ATRNL1: variants seen among roughly 807,000 people sequenced by gnomAD.
The protein encoded by ATRNL1 is attractin-like protein 1.
A neutral mutation model predicts 182.7 loss-of-function variants in ATRNL1; 95 were observed. That is an observed-to-expected ratio of 0.52 (90% CI 0.44 to 0.62). ATRNL1 has a LOEUF of 0.62. ATRNL1 is among the 20% of genes least tolerant of loss of function. The probability of loss-of-function intolerance (pLI) is 0.00; values close to 1 mark genes in which losing one functional copy is unlikely to be tolerated. For synonymous variants in ATRNL1, 576 were observed against 568.3 expected, an observed-to-expected ratio of 1.01 and a Z score of -0.19; for missense variants, 1,471 against 1,679.5, an observed-to-expected ratio of 0.88 and a Z score of 2.17.
Position 115,130,274 on chromosome 10 carries a change from T to C in ATRNL1, c.829+739T>C, listed in dbSNP as rs1036446832. 7.9e-5 allele frequency among the ~76,000 whole-genome samples: 12 copies of C among 152,260 alleles called. No homozygotes were observed. The East Asian group carries it at 1.5e-3, about 20-fold the overall frequency. On this transcript the variant is annotated intron_variant, in intron 5 of 28. Coordinates refer to ENST00000355044, the MANE Select transcript of ATRNL1 (RefSeq NM_207303.4). ...TGCCAACATATTAATCCTGTTGAAATAGGGAAATTTGACTCAATAATTACA... is the reference window on the plus strand; with the variant it reads ...TGCCAACATATTAATCCTGTTGAAACAGGGAAATTTGACTCAATAATTACA...
At chr10:115,125,113 G>T (rs1554872996) in intron 3 of ATRNL1, among the ~76,000 whole-genome samples, 1 of 152,142 alleles carries the variant, frequency 6.6e-6, no homozygotes, top group African/African-American at 2.4e-5. Context: ...TGAGTAACTT[G>T]ATTGTAGGAA....
At chr10:115,755,099 A>G (rs1025214497) in intron 27 of ATRNL1, among the ~76,000 whole-genome samples, 20 of 152,206 alleles carry the variant, frequency 1.3e-4, no homozygotes, top group Non-Finnish European at 2.5e-4. Context: ...TAAATATACA[A>G]TCATGTTATC....
In ATRNL1 at chr10:115,807,139, G is replaced by A. The variant is rs187139630; in HGVS notation, c.3904-40738G>A. Among the ~76,000 whole-genome samples, 5 of 146,930 alleles carry A rather than the reference G, an allele frequency of 3.4e-5. No homozygotes were observed. The East Asian group carries it at 8.0e-4, about 23-fold the overall frequency. On this transcript the variant is annotated intron_variant, in intron 27 of 28. Transcript: ENST00000355044. ...TTTTTTTTCTTTGAGATGGAGTCTC[G>A]CTCTGTTGCCCAGGCTGGAGTGCAG...
intron 26 of ATRNL1, among the ~76,000 whole-genome samples, chr10:115,697,660 A>G (rs1174331428): frequency 6.6e-6 from 1 of 151,996 alleles, no homozygotes; most frequent in African/African-American, 2.4e-5. Context: ...TCTGTGTGTT[A>G]CATATATAAT....
At chr10:115,749,541 T>C (rs1948389030) in intron 27 of ATRNL1, among the ~76,000 whole-genome samples, 1 of 151,912 alleles carries the variant, frequency 6.6e-6, no homozygotes, top group Non-Finnish European at 1.5e-5. Flanking sequence ...CGTGTTTTAT[T>C]TTTTAATACC....
chr10:115,671,463 G>A (rs1555041372), intron 26 of ATRNL1, among the ~76,000 whole-genome samples: 1 of 152,072 alleles, frequency 6.6e-6, no homozygotes, highest in Non-Finnish European at 1.5e-5. Flanking sequence ...AACATTTATT[G>A]CGCTACACAT....
chr10:115,753,032 C>T (rs909546470), intron 27 of ATRNL1, among the ~76,000 whole-genome samples: 21 of 152,054 alleles, frequency 1.4e-4, no homozygotes, highest in African/African-American at 4.8e-4. Flanking sequence ...AATTAGTTTA[C>T]CTACAGCTCA....
intron 8 of ATRNL1, among the ~76,000 whole-genome samples, chr10:115,213,386 C>T (rs1554895450): frequency 1.3e-5 from 2 of 152,126 alleles, no homozygotes; most frequent in South Asian, 2.1e-4. Flanking sequence ...CTAGGGCTGC[C>T]AGGGTCATCT....
chr10:115,655,860 G>A (rs893832419), intron 26 of ATRNL1, among the ~76,000 whole-genome samples: 1 of 152,154 alleles, frequency 6.6e-6, no homozygotes, highest in Admixed American at 6.5e-5. Context: ...TAAGATCTTT[G>A]CCCTGTAATT....
chr10:115,812,946 T>A (rs183971739), intron 27 of ATRNL1, among the ~76,000 whole-genome samples: 1 of 152,168 alleles, frequency 6.6e-6, no homozygotes. Flanking sequence ...CAATATTAAT[T>A]ATTTAATTTA....
In ATRNL1 at chr10:115,245,717, T is replaced by G. The variant is rs565137122; in HGVS notation, c.1687+3992T>G. Among the ~76,000 whole-genome samples, 4 of 152,252 alleles carry G rather than the reference T, an allele frequency of 2.6e-5. No individual in the cohort carries two copies. In the South Asian group the frequency reaches 8.3e-4, roughly 32 times the overall value. On this transcript the variant is annotated intron_variant, in intron 10 of 28. Transcript: ENST00000355044. ...CAAAGTTATGAAAATTCCAATCTGC[T>G]TGCTTTTCATGTTTATAATTATTTT... is the stretch of plus-strand genomic sequence containing the variant.
intron 26 of ATRNL1, among the ~76,000 whole-genome samples, chr10:115,674,921 A>G (rs528503979): frequency 1.3e-5 from 2 of 152,254 alleles, no homozygotes; most frequent in East Asian, 3.9e-4. Context: ...ATCTTTATGA[A>G]ATATGTCATG....
Position 115,093,512 on chromosome 10 carries a change from C to G in ATRNL1, c.-239C>G. ...GGGACGCCGCGGCTGTGGGGTCGGC[C>G]CGCTAAGGACAAGGTCGGGAGACTG... is the stretch of plus-strand genomic sequence containing the variant. On this transcript the variant is annotated 5_prime_UTR_variant, in exon 1 of 29. Transcript: ENST00000355044. The surrounding 1 kb of genome is among the most constrained non-coding windows in gnomAD (Gnocchi z 6.1). The G allele has an allele frequency of 3.0e-6, 2 of 659,142 alleles. No homozygotes were observed. The allele number at this position is 659,142 out of a possible 1,614,324, so 40.8% of individuals were successfully genotyped here.
intron 8 of ATRNL1, among the ~76,000 whole-genome samples, chr10:115,204,789 G>T (rs1218483351): frequency 2.0e-5 from 3 of 152,054 alleles, no homozygotes; most frequent in African/African-American, 7.2e-5. Context: ...CTGGCCTTGA[G>T]AAATAATTTT....
chr10:115,727,656 C>T (rs745694555), intron 27 of ATRNL1, among the ~76,000 whole-genome samples: 63 of 152,128 alleles, frequency 4.1e-4, no homozygotes, highest in African/African-American at 8.0e-4. Context: ...AGAAACAAAG[C>T]GCCTATATTT....
intron 28 of ATRNL1, among the ~76,000 whole-genome samples, chr10:115,942,289 G>A (rs1171579152): frequency 6.6e-6 from 1 of 152,162 alleles, no homozygotes; most frequent in South Asian, 2.1e-4. Context: ...TGGAACTTAT[G>A]TCTGCTGGCC....
At chr10:115,587,434 C>G (rs144112899) in intron 26 of ATRNL1, among the ~76,000 whole-genome samples, 70,516 of 149,362 alleles carry the variant, frequency 0.47, 18,296 homozygotes, top group East Asian at 0.84. Flanking sequence ...AGGACCCTCC[C>G]AGCCAGGTGC....
intron 19 of ATRNL1, among the ~76,000 whole-genome samples, chr10:115,378,329 C>G (rs1389985956): frequency 1.3e-5 from 2 of 152,154 alleles, no homozygotes; most frequent in African/African-American, 4.8e-5. Context: ...GAAGGCAGAA[C>G]TGATTTCAGG....
chr10:115,891,174 T>G (rs1233274684), intron 28 of ATRNL1, among the ~76,000 whole-genome samples: 2 of 152,200 alleles, frequency 1.3e-5, no homozygotes, highest in Non-Finnish European at 2.9e-5. Context: ...GCTTGTAACC[T>G]GTAAGGTAGC....
Sources: allele counts gnomAD v4.1 joint callset (sites outside exome capture counted in the v4.1 genomes callset), GRCh38; gene constraint gnomAD v4.1.1; non-coding constraint Gnocchi (gnomAD v3.1); transcripts MANE v1.5; gene names NCBI Gene and HGNC (gene_info 2026-07-23, HGNC 2026-07-21).